RAB3C: variants seen among roughly 807,000 people sequenced by gnomAD.
RAB3C encodes RAB3C, member RAS oncogene family.
In RAB3C, 17 loss-of-function variants were observed where a neutral mutation model predicts 26.4. That is an observed-to-expected ratio of 0.64 (90% CI 0.44 to 0.97). The LOEUF is 0.97. RAB3C is among the 50% of genes least tolerant of loss of function. RAB3C has a pLI of 0.00. For synonymous variants in RAB3C, 91 were observed against 95.9 expected, an observed-to-expected ratio of 0.95 and a Z score of 0.30; for missense variants, 242 against 281.9, an observed-to-expected ratio of 0.86 and a Z score of 1.01.
At chr5:58,694,241 A>G (rs771472058) in intron 2 of RAB3C, among the ~76,000 whole-genome samples, 4 of 152,168 alleles carry the variant, frequency 2.6e-5, no homozygotes, top group Non-Finnish European at 5.9e-5. Context: ...AGTTTCATCC[A>G]TGTCCCTGCA....
At chr5:58,607,209 G>T (rs920205881) in intron 1 of RAB3C, among the ~76,000 whole-genome samples, 7 of 152,142 alleles carry the variant, frequency 4.6e-5, no homozygotes, top group African/African-American at 1.4e-4. Flanking sequence ...AGTGTAGAAA[G>T]GACCTTAAGT....
chr5:58,648,435 T>C (rs1284038720), intron 2 of RAB3C, among the ~76,000 whole-genome samples: 1 of 152,202 alleles, frequency 6.6e-6, no homozygotes, highest in Non-Finnish European at 1.5e-5. Flanking sequence ...GGGTTTTGAG[T>C]TTGTGAAATG....
intron 1 of RAB3C, among the ~76,000 whole-genome samples, chr5:58,596,827 T>C (rs1452167712): frequency 2.2e-5 from 2 of 90,470 alleles, no homozygotes; most frequent in African/African-American, 4.3e-5. Flanking sequence ...TAATATATTA[T>C]ATATAAATTT....
intron 2 of RAB3C, among the ~76,000 whole-genome samples, chr5:58,650,318 G>A (rs1747617230): frequency 6.6e-6 from 1 of 152,116 alleles, no homozygotes; most frequent in Non-Finnish European, 1.5e-5. Context: ...TAAGAGATCA[G>A]AGTCTATGAA....
At chr5:58,761,063 T>TCACACACACACACACACACACACA (rs3060342) in intron 3 of RAB3C, among the ~76,000 whole-genome samples, 5 of 144,820 alleles carry the variant, frequency 3.5e-5, no homozygotes, top group African/African-American at 1.3e-4. Context: ...TCTCTCTCTC[T>TCACACACACACACACACACACACA]CACACACACA....
At chr5:58,693,059 A>G (rs1315806718) in intron 2 of RAB3C, among the ~76,000 whole-genome samples, 1 of 151,420 alleles carries the variant, frequency 6.6e-6, no homozygotes, top group African/African-American at 2.4e-5. Flanking sequence ...GTGAGCCTAG[A>G]TCGTGCTATT....
chr5:58,596,983 AAT>A (rs1457192981), intron 1 of RAB3C, among the ~76,000 whole-genome samples: 8 of 92,714 alleles, frequency 8.6e-5, no homozygotes, highest in African/African-American at 3.2e-4. Flanking sequence ...AACATATAAT[AAT>A]ATATAATGCA....
intron 3 of RAB3C, among the ~76,000 whole-genome samples, chr5:58,763,890 A>G (rs1046887752): frequency 6.6e-6 from 1 of 152,184 alleles, no homozygotes; most frequent in Non-Finnish European, 1.5e-5. Flanking sequence ...TCCTTGCAGG[A>G]GAGGGTGATA....
chr5:58,696,158 T>A (rs1163240905), intron 2 of RAB3C, among the ~76,000 whole-genome samples: 1 of 152,218 alleles, frequency 6.6e-6, no homozygotes, highest in Non-Finnish European at 1.5e-5. Flanking sequence ...GTTGAAGGCC[T>A]CTTCTGCATC....
intron 3 of RAB3C, among the ~76,000 whole-genome samples, chr5:58,796,626 GTCA>G (rs1742655927): frequency 6.6e-5 from 10 of 152,160 alleles, no homozygotes; most frequent in Non-Finnish European, 1.2e-4. Context: ...CCTGGAGACT[GTCA>G]TGCAGGAAAC....
chr5:58,756,319 A>ATATATATATATATATAACATATATATGT (rs1561311157), intron 3 of RAB3C, among the ~76,000 whole-genome samples: 58 of 139,336 alleles, frequency 4.2e-4, no homozygotes, highest in African/African-American at 1.5e-3. Flanking sequence ...CCCAGTAGTT[A>ATATATATATATATATAACATATATATGT]TATATATATA....
intron 2 of RAB3C, among the ~76,000 whole-genome samples, chr5:58,689,509 T>A (rs1457079117): frequency 2.0e-5 from 3 of 152,116 alleles, no homozygotes; most frequent in Non-Finnish European, 4.4e-5. Context: ...ACTGTAGATG[T>A]TTTGTTGAAG....
intron 3 of RAB3C, among the ~76,000 whole-genome samples, chr5:58,802,967 A>G (rs1440796161): frequency 6.6e-6 from 1 of 152,208 alleles, no homozygotes; most frequent in East Asian, 1.9e-4. Flanking sequence ...CCTTAGCTAC[A>G]AGGCTAGGGC....
At chr5:58,660,190 T>C (rs1747871927) in intron 2 of RAB3C, among the ~76,000 whole-genome samples, 1 of 150,130 alleles carries the variant, frequency 6.7e-6, no homozygotes, top group South Asian at 2.1e-4. Context: ...TAATACCCCC[T>C]TCCTATCTAT....
At chr5:58,723,953 G>A (rs986586089) in intron 2 of RAB3C, among the ~76,000 whole-genome samples, 1 of 141,678 alleles carries the variant, frequency 7.1e-6, no homozygotes, top group South Asian at 2.1e-4. Flanking sequence ...TGAATTATAA[G>A]TGATGCCCCA....
intron 1 of RAB3C, among the ~76,000 whole-genome samples, chr5:58,615,747 T>G (rs1398053123): frequency 2.6e-5 from 4 of 152,200 alleles, no homozygotes; most frequent in African/African-American, 9.6e-5. Context: ...CTGTATAGAC[T>G]TAAAAAGAGA....
intron 1 of RAB3C, chr5:58,583,443 G>C (rs116279670): frequency 6.0e-5 from 40 of 668,958 alleles, no homozygotes; most frequent in Admixed American, 3.8e-4. Context: ...CGGGCTATTC[G>C]CAATCTTTCT....
At chr5:58,608,161 C>T (rs1191463084) in intron 1 of RAB3C, among the ~76,000 whole-genome samples, 1 of 152,114 alleles carries the variant, frequency 6.6e-6, no homozygotes, top group Non-Finnish European at 1.5e-5. Flanking sequence ...AGTCCAAACC[C>T]ATCAGTGTAC....
intron 1 of RAB3C, among the ~76,000 whole-genome samples, chr5:58,588,681 G>A (rs1015474603): frequency 1.3e-5 from 2 of 151,980 alleles, no homozygotes; most frequent in Admixed American, 6.6e-5. Context: ...GTGCCTTTTG[G>A]TGAGGATTTT....
Sources: gnomAD v4.1 joint callset for allele counts (sites outside exome capture counted in the v4.1 genomes callset) on GRCh38, gnomAD v4.1.1 for gene constraint, MANE v1.5 for transcripts, NCBI Gene and HGNC (gene_info 2026-07-23, HGNC 2026-07-21) for gene names.